CNTNAP2: variants seen among roughly 807,000 people sequenced by gnomAD.
CNTNAP2 encodes the protein contactin-associated protein-like 2.
Under a neutral mutation model 155.2 loss-of-function variants are expected in CNTNAP2, and 98 were observed. The observed-to-expected ratio is 0.63, with a 90% confidence interval of 0.54 to 0.75. The LOEUF is 0.75. Ranked by LOEUF, CNTNAP2 falls within the 30% of genes least tolerant of loss-of-function variation. CNTNAP2 has a pLI of 0.00. For missense variants in CNTNAP2, 1,727 were observed against 1,688.1 expected, an observed-to-expected ratio of 1.02 and a Z score of -0.40; for synonymous variants, 651 against 631.2, an observed-to-expected ratio of 1.03 and a Z score of -0.47.
intron 21 of CNTNAP2, among the ~76,000 whole-genome samples, chr7:148,363,178 T>C (rs1269798469): frequency 6.6e-6 from 1 of 152,186 alleles, no homozygotes; most frequent in Non-Finnish European, 1.5e-5. Context: ...AGACGGGGTT[T>C]CTCCATGTTG....
intron 1 of CNTNAP2, among the ~76,000 whole-genome samples, chr7:146,135,204 C>T (rs572548611): frequency 6.6e-6 from 1 of 151,980 alleles, no homozygotes. Flanking sequence ...AAGAAGCACA[C>T]TTTAGAGGAA....
intron 9 of CNTNAP2, among the ~76,000 whole-genome samples, chr7:147,315,349 A>C (rs79245545): frequency 6.0e-5 from 9 of 150,904 alleles, no homozygotes; most frequent in Admixed American, 2.0e-4. Flanking sequence ...GGCCATTTTC[A>C]TGACCCCAAA....
At chr7:146,759,681 C>CAAAAAAAAAAA (rs376817827) in intron 1 of CNTNAP2, among the ~76,000 whole-genome samples, 3 of 54,652 alleles carry the variant, frequency 5.5e-5, no homozygotes, top group African/African-American at 1.2e-4. Context: ...GTGAGACTGT[C>CAAAAAAAAAAA]AAAAAAAAAA....
intron 13 of CNTNAP2, among the ~76,000 whole-genome samples, chr7:147,785,286 T>C (rs948850273): frequency 6.6e-6 from 1 of 152,062 alleles, no homozygotes; most frequent in African/African-American, 2.4e-5. Context: ...AATAACACAC[T>C]TCAAACTCAG....
rs374945657 is a variant in CNTNAP2, at chr7:148,214,759, C to T, written c.3011-2529C>T. Among the ~76,000 whole-genome samples, 20 of 152,146 alleles carry T rather than the reference C, an allele frequency of 1.3e-4. No individual in the cohort carries two copies. In the South Asian group the frequency reaches 3.9e-3, roughly 30 times the overall value. On this transcript the variant is annotated intron_variant, in intron 18 of 23. Transcript: ENST00000361727. ...CTAATTTTTGTATTTTTAGTAGAGA[C>T]GGGGTTTCACCGTGTTGGCCAGAAT...
intron 1 of CNTNAP2, among the ~76,000 whole-genome samples, chr7:146,215,311 A>G (rs1799096395): frequency 6.6e-6 from 1 of 152,206 alleles, no homozygotes; most frequent in Non-Finnish European, 1.5e-5. Context: ...CAAATGTACA[A>G]TCATAAATCT....
At chr7:147,120,604 T>A (rs1294808424) in intron 5 of CNTNAP2, among the ~76,000 whole-genome samples, 1 of 151,156 alleles carries the variant, frequency 6.6e-6, no homozygotes, top group Non-Finnish European at 1.5e-5. Context: ...TACATTTTAT[T>A]TTATTTATTT....
intron 21 of CNTNAP2, among the ~76,000 whole-genome samples, chr7:148,379,268 C>T (rs1453700015): frequency 6.6e-6 from 1 of 152,094 alleles, no homozygotes; most frequent in Non-Finnish European, 1.5e-5. Context: ...CAAAAAGGAA[C>T]ATTGATAGAA....
chr7:148,336,061 T>G (rs1798109952), intron 21 of CNTNAP2, among the ~76,000 whole-genome samples: 1 of 152,166 alleles, frequency 6.6e-6, no homozygotes, highest in African/African-American at 2.4e-5. Flanking sequence ...CATTGTTTGG[T>G]TTAAGTAACT....
chr7:148,079,445 G>C (rs933325612), intron 15 of CNTNAP2, among the ~76,000 whole-genome samples: 6 of 152,188 alleles, frequency 3.9e-5, no homozygotes, highest in African/African-American at 1.4e-4. Context: ...ATAAGTGGTT[G>C]TAGAGACCAA....
intron 1 of CNTNAP2, among the ~76,000 whole-genome samples, chr7:146,482,919 A>G (rs1563101348): frequency 6.6e-6 from 1 of 152,072 alleles, no homozygotes; most frequent in East Asian, 1.9e-4. Flanking sequence ...TAAATTATTA[A>G]AAGTGTTTCT....
chr7:147,554,692 T>C (rs1360646939), intron 11 of CNTNAP2, among the ~76,000 whole-genome samples: 2 of 152,138 alleles, frequency 1.3e-5, no homozygotes, highest in Non-Finnish European at 2.9e-5. Context: ...ACAGAAATTA[T>C]ATGCAGGGAA....
intron 13 of CNTNAP2, among the ~76,000 whole-genome samples, chr7:147,783,119 A>C (rs1289927882): frequency 6.6e-6 from 1 of 152,212 alleles, no homozygotes; most frequent in Non-Finnish European, 1.5e-5. Context: ...AACAATCCCT[A>C]GTGTGAAATC....
At chr7:147,471,880 G>T (rs1798222256) in intron 10 of CNTNAP2, among the ~76,000 whole-genome samples, 1 of 152,182 alleles carries the variant, frequency 6.6e-6, no homozygotes, top group Non-Finnish European at 1.5e-5. Context: ...AGATGAAGGT[G>T]GTGACTACCT....
chr7:147,393,246 C>T (rs1461280305), intron 9 of CNTNAP2, among the ~76,000 whole-genome samples: 1 of 151,946 alleles, frequency 6.6e-6, no homozygotes, highest in Non-Finnish European at 1.5e-5. Flanking sequence ...GAATATATCT[C>T]CTATTGGAAA....
At chr7:147,711,933 A>G (rs1563061371) in intron 13 of CNTNAP2, among the ~76,000 whole-genome samples, 1 of 152,166 alleles carries the variant, frequency 6.6e-6, no homozygotes, top group Admixed American at 6.6e-5. Flanking sequence ...AACTTATTAT[A>G]ATAGTGTTAT....
intron 21 of CNTNAP2, among the ~76,000 whole-genome samples, chr7:148,366,424 G>A (rs932203641): frequency 3.3e-5 from 5 of 151,960 alleles, no homozygotes; most frequent in African/African-American, 1.2e-4. Context: ...CTCACCACCT[G>A]GCATACAATA....
At chr7:148,091,937 C>A (rs1215724674) in intron 15 of CNTNAP2, among the ~76,000 whole-genome samples, 3 of 152,098 alleles carry the variant, frequency 2.0e-5, no homozygotes, top group African/African-American at 7.2e-5. Context: ...CCTCGGGTTC[C>A]AGAGACATGA....
rs190911223 is a variant in CNTNAP2, at chr7:147,135,086, C to T, written c.1348+2577C>T. Among the ~76,000 whole-genome samples the T allele has an allele frequency of 1.9e-4, 29 of 151,850 alleles. 1 individual carries two copies. The highest frequency in any genetic ancestry group is 6.5e-4 in the African/African-American group (27 of 41,478). The stretch of plus-strand genomic sequence containing the variant: ...TTAGATCAAAAACCTTTTTTTCCAT[C>T]TTGGTCAACACTGTTCTTTGGGAAT... On this transcript the variant is annotated intron_variant, in intron 8 of 23. Transcript: ENST00000361727.
Sources: gnomAD v4.1 joint callset for allele counts (sites outside exome capture counted in the v4.1 genomes callset) on GRCh38, gnomAD v4.1.1 for gene constraint, MANE v1.5 for transcripts, NCBI Gene and HGNC (gene_info 2026-07-23, HGNC 2026-07-21) for gene names.